Variants in APC observed in about 807,000 individuals in gnomAD.
APC encodes the protein adenomatous polyposis coli protein.
In APC, 72 loss-of-function variants were observed where a neutral mutation model predicts 247.0. The ratio of observed to expected loss-of-function variants is 0.29; its 90% CI spans 0.24 to 0.35. The LOEUF (loss-of-function observed/expected upper bound fraction) is 0.35. APC is among the 10% of genes least tolerant of loss of function. APC has a pLI of 1.00. For synonymous variants in APC, 1,254 were observed against 1,162.5 expected, an observed-to-expected ratio of 1.08 and a Z score of -1.60; for missense variants, 3,400 against 3,360.7, an observed-to-expected ratio of 1.01 and a Z score of -0.29.
At position 112,843,246 on chromosome 5, in the gene APC, A is replaced by G. The variant is rs1060503314; in HGVS notation, c.7652A>G (p.His2551Arg). The change falls in exon 16 of 16, where the codon CAC becomes CGC. Residue 2551 changes from histidine to arginine, a missense_variant. By Grantham distance (29) the His-to-Arg change is conservative. Transcript: ENST00000257430. The surrounding 1 kb of genome is among the most constrained non-coding windows in gnomAD (Gnocchi z 4.8). ...INRSGTWKRE[H>R]SKHSSSLPRV... ...AGGTCAGGAACCTGGAAACGTGAGCACAGCAAACATTCATCATCCCTTCCT... is the reference window on the plus strand; with the variant it reads ...AGGTCAGGAACCTGGAAACGTGAGCGCAGCAAACATTCATCATCCCTTCCT... 1 of 1,613,922 alleles carries G rather than the reference A, an allele frequency of 6.2e-7. No individual in the cohort carries two copies. Among genetic ancestry groups the G allele is most frequent in the South Asian group, 1.1e-5 (1 of 91,086 alleles).
intron 7 of APC, among the ~76,000 whole-genome samples, chr5:112,793,826 C>A (rs766603721): frequency 6.6e-6 from 1 of 151,970 alleles, no homozygotes; most frequent in Non-Finnish European, 1.5e-5. Flanking sequence ...TAAGAATAAT[C>A]CTACACTAAG....
Position 112,710,713 on chromosome 5 carries a change from T to C in APC, c.165+2831T>C, listed in dbSNP as rs1313928023. Among the ~76,000 whole-genome samples, 3 of 152,372 alleles carry C rather than the reference T, an allele frequency of 2.0e-5. No individual in the cohort carries two copies. The East Asian group carries it at 5.8e-4, about 29-fold the overall frequency. ...GGAAGCTGTTATAGTAGGAAGAACA[T>C]TGACTTTTGAGCAAGATAGAACTTT... On this transcript the variant is annotated intron_variant, in intron 1 of 13. Coordinates refer to the APC transcript ENST00000507379.
At position 112,801,326 on chromosome 5, in the gene APC, G is replaced by T. The variant is rs147704593; in HGVS notation, c.777G>T (p.Arg259=). 1.6e-4 allele frequency: 261 copies of T among 1,612,850 alleles called. 1 individual carries two copies. The highest frequency in any genetic ancestry group is 3.1e-5 in the Non-Finnish European group (36 of 1,179,208). The change falls in exon 8 of 16, where the codon CGG becomes CGT. Residue 259 remains arginine (R), a synonymous_variant. Coordinates refer to ENST00000257430, the MANE Select transcript of APC (RefSeq NM_000038.6). ...KHETGSHDAE[R]QNEGQGVGEI... ...AAACCGGCTCACATGATGCTGAGCG[G>T]CAGAATGAAGGTCAAGGAGTGGGAG... is the stretch of plus-strand genomic sequence containing the variant.
At chr5:112,799,195 A>G (rs1760526558) in intron 7 of APC, among the ~76,000 whole-genome samples, 1 of 151,542 alleles carries the variant, frequency 6.6e-6, no homozygotes, top group Non-Finnish European at 1.5e-5. Context: ...AAAAAAAAAA[A>G]AAAAAAAAAG....
At chr5:112,749,899 T>G (rs1416347501) in intron 1 of APC, among the ~76,000 whole-genome samples, 233 of 151,478 alleles carry the variant, frequency 1.5e-3, no homozygotes, top group African/African-American at 5.4e-3. Flanking sequence ...CTGTCTCTAA[T>G]CATACTTAGT....
At chr5:112,745,670 CT>C (rs138260470) in intron 1 of APC, among the ~76,000 whole-genome samples, 6,125 of 151,880 alleles carry the variant, frequency 0.04, 372 homozygotes, top group African/African-American at 0.14. Context: ...ATTCTCCTGT[CT>C]TAGCGACCCC....
chr5:112,802,452 A>G (rs1760928382), intron 8 of APC, among the ~76,000 whole-genome samples: 1 of 152,134 alleles, frequency 6.6e-6, no homozygotes, highest in Non-Finnish European at 1.5e-5. Context: ...TAGAAGGAAG[A>G]AAAATTTAAT....
At chr5:112,725,907 AC>A (rs1751749474) in intron 1 of APC, among the ~76,000 whole-genome samples, 1 of 152,238 alleles carries the variant, frequency 6.6e-6, no homozygotes, top group African/African-American at 2.4e-5. Flanking sequence ...TATATGAGGT[AC>A]AGACTGGTTC....
At chr5:112,734,402 A>G (rs778245700), upstream of APC, among the ~76,000 whole-genome samples, 29 of 152,300 alleles carry the variant, frequency 1.9e-4, no homozygotes, top group Admixed American at 1.8e-3. Flanking sequence ...TTTCCATCGT[A>G]CCATAACTAA....
At chr5:112,819,394 A>G (rs2149784645) in intron 10 of APC, 50 bp downstream of exon 10, 1 of 1,611,816 alleles carries the variant, frequency 6.2e-7, no homozygotes, top group Non-Finnish European at 8.5e-7. Flanking sequence ...AGCAAATGTG[A>G]AATTTTTAAA....
rs2149810670 is a variant in APC at position 112,827,261 on chromosome 5, A to G, written c.1548+14A>G. 6.2e-7 allele frequency: 1 copy of G among 1,613,562 alleles called. No individual in the cohort carries two copies. The highest frequency in any genetic ancestry group is 8.5e-7 in the Non-Finnish European group (1 of 1,179,666). On this transcript the variant is annotated intron_variant, in intron 12 of 15. Coordinates refer to ENST00000257430, the MANE Select transcript of APC (RefSeq NM_000038.6). ...GTAGCCAACAAGGTATGTTTTTATA[A>G]CATGTATTTCTTAAGATAGCTCAGG...
At position 112,842,971 on chromosome 5, in the gene APC, T is replaced by C. The variant is rs775573115; in HGVS notation, c.7377T>C (p.Ser2459=). The change falls in exon 16 of 16, where the codon TCT becomes TCC. Residue 2459 remains serine, a synonymous_variant. Coordinates refer to ENST00000257430, the MANE Select transcript of APC (RefSeq NM_000038.6). ...CCTTAAGAAGAAAATTGGAGGAATC[T>C]GCTTCATTTGAATCTCTTTCTCCAT... The part of the protein sequence containing the change: ...SPTLRRKLEE[S]ASFESLSPSS... 1.9e-6 allele frequency: 3 copies of C among 1,614,080 alleles called. No individual in the cohort carries two copies. In the Admixed American group the frequency reaches 5.0e-5, roughly 27 times the overall value.
intron 10 of APC, among the ~76,000 whole-genome samples, chr5:112,820,340 A>T (rs1319438855): frequency 4.6e-5 from 7 of 152,092 alleles, no homozygotes; most frequent in Non-Finnish European, 2.9e-5. Context: ...AATTTATTTG[A>T]AATCTAAAAA....
chr5:112,713,030 G>T (rs1750948335), intron 1 of APC, among the ~76,000 whole-genome samples: 1 of 152,058 alleles, frequency 6.6e-6, no homozygotes, highest in Non-Finnish European at 1.5e-5. Context: ...AATTAGCCGG[G>T]TATGGTGGCA....
At chr5:112,755,763 G>C (rs962509870) in intron 2 of APC, among the ~76,000 whole-genome samples, 4 of 152,144 alleles carry the variant, frequency 2.6e-5, no homozygotes, top group Admixed American at 2.6e-4. Context: ...CACTTAGGCA[G>C]ATTCTCTTCT....
chr5:112,748,255 C>T (rs938787512), intron 1 of APC, among the ~76,000 whole-genome samples: 1 of 151,944 alleles, frequency 6.6e-6, no homozygotes, highest in Non-Finnish European at 1.5e-5. Context: ...AACTGAATAT[C>T]ACCACCTAAT....
chr5:112,715,943 G>A (rs114404738), intron 1 of APC, among the ~76,000 whole-genome samples: 43 of 151,998 alleles, frequency 2.8e-4, no homozygotes, highest in Non-Finnish European at 5.3e-4. Flanking sequence ...ATATTCTGTG[G>A]TCCTTTTAAT....
intron 8 of APC, among the ~76,000 whole-genome samples, chr5:112,801,970 C>G (rs891776292): frequency 1.8e-4 from 27 of 151,920 alleles, no homozygotes; most frequent in African/African-American, 5.8e-4. Context: ...ATTTGTTATG[C>G]TACCATCCGT....
At chr5:112,721,024 T>C (rs953142502) in intron 1 of APC, among the ~76,000 whole-genome samples, 4 of 152,112 alleles carry the variant, frequency 2.6e-5, no homozygotes, top group African/African-American at 9.7e-5. Flanking sequence ...TGAGAGCATT[T>C]TTGATTGGAT....
Sources: gnomAD v4.1 joint callset for allele counts (sites outside exome capture counted in the v4.1 genomes callset) on GRCh38, gnomAD v4.1.1 for gene constraint, Gnocchi (gnomAD v3.1) non-coding constraint, MANE v1.5 for transcripts, NCBI Gene and HGNC (gene_info 2026-07-23, HGNC 2026-07-21) for gene names.